Variants in PRR16 observed in about 807,000 individuals in gnomAD.
PRR16 encodes proline rich 16.
A neutral mutation model predicts 18.2 loss-of-function variants in PRR16; 6 were observed. The observed-to-expected ratio is 0.33, with a 90% CI of 0.18 to 0.65. The LOEUF (loss-of-function observed/expected upper bound fraction) is 0.65, where lower values mean the gene tolerates loss of function less well. Among genes scored for constraint, PRR16 ranks in the 30% least tolerant of loss-of-function variants. The pLI is 0.74. For missense variants in PRR16, 412 were observed against 376.6 expected, an observed-to-expected ratio of 1.09 and a Z score of -0.78; for synonymous variants, 151 against 147.8, an observed-to-expected ratio of 1.02 and a Z score of -0.16.
chr5:120,639,844 G>A (rs953048794), intron 1 of PRR16, among the ~76,000 whole-genome samples: 1 of 151,712 alleles, frequency 6.6e-6, no homozygotes. Context: ...ACACTTGCAT[G>A]TTTAACACAG....
At chr5:120,618,740 T>C (rs770618454) in intron 1 of PRR16, among the ~76,000 whole-genome samples, 2 of 152,022 alleles carry the variant, frequency 1.3e-5, no homozygotes, top group African/African-American at 2.4e-5. Context: ...TTCTTATTTT[T>C]TTTGTTTCCT....
At chr5:120,694,787 G>T in the PRR16 span, among the ~76,000 whole-genome samples, 2 of 151,952 alleles carry the variant, frequency 1.3e-5, no homozygotes, top group Non-Finnish European at 2.9e-5. Flanking sequence ...ACTTGTAATA[G>T]CACATGAATA....
Position 120,499,150 on chromosome 5 carries a change from C to G in PRR16, c.159+34505C>G, listed in dbSNP as rs1278927440. On this transcript the variant is annotated intron_variant, in intron 1 of 1. Transcript: ENST00000407149. Reference sequence around the variant, plus strand: ...TAAAGACGGAGTTCCGCTCTTGTTGCCCAGGCTGGAGTGCAATGGCGTGAT... The same window carrying G: ...TAAAGACGGAGTTCCGCTCTTGTTGGCCAGGCTGGAGTGCAATGGCGTGAT... Among the ~76,000 whole-genome samples, 3 of 150,984 alleles carry G rather than the reference C, an allele frequency of 2.0e-5. No individual in the cohort carries two copies. In the East Asian group the frequency reaches 5.8e-4, roughly 29 times the overall value.
At chr5:120,759,134 G>A in the PRR16 span, among the ~76,000 whole-genome samples, 1 of 151,804 alleles carries the variant, frequency 6.6e-6, no homozygotes, top group Non-Finnish European at 1.5e-5. Context: ...CCGCCACCAT[G>A]CCTGGCTAAT....
intron 1 of PRR16, among the ~76,000 whole-genome samples, chr5:120,602,162 T>C (rs545478927): frequency 6.6e-6 from 1 of 152,126 alleles, no homozygotes; most frequent in African/African-American, 2.4e-5. Context: ...GAGTAATATG[T>C]TTCTTTTAAC....
intron 1 of PRR16, among the ~76,000 whole-genome samples, chr5:120,538,207 G>A (rs1751791531): frequency 6.6e-6 from 1 of 152,108 alleles, no homozygotes; most frequent in African/African-American, 2.4e-5. Context: ...GAAAATACAA[G>A]CAAGTTATTA....
chr5:120,630,050 A>C (rs543155587), intron 1 of PRR16, among the ~76,000 whole-genome samples: 109 of 152,128 alleles, frequency 7.2e-4, no homozygotes, highest in African/African-American at 2.6e-3. Context: ...ATTTTCTTCT[A>C]TCTGAGGATT....
chr5:120,466,816 T>C (rs931465744), intron 1 of PRR16, among the ~76,000 whole-genome samples: 2 of 152,198 alleles, frequency 1.3e-5, no homozygotes, highest in Non-Finnish European at 2.9e-5. Context: ...AAGATTTGTT[T>C]GTCTTAAGGA....
intron 1 of PRR16, among the ~76,000 whole-genome samples, chr5:120,468,471 G>GA (rs958360573): frequency 1.3e-5 from 2 of 151,672 alleles, no homozygotes; most frequent in South Asian, 2.1e-4. Context: ...TCTACACATT[G>GA]AAAAAAAAGA....
At chr5:120,674,825 G>A (rs944391310) in intron 1 of PRR16, among the ~76,000 whole-genome samples, 1 of 151,386 alleles carries the variant, frequency 6.6e-6, no homozygotes, top group Non-Finnish European at 1.5e-5. Context: ...TTTTTAAAAT[G>A]TATTTTTGCT....
At position 120,491,257 on chromosome 5, in the gene PRR16, G is replaced by A. The variant is rs570556177; in HGVS notation, c.159+26612G>A. On this transcript the variant is annotated intron_variant, in intron 1 of 1. Transcript: ENST00000407149. ...CTGAATATAGCATGAGAAGTCACTG[G>A]AAAAGAATGGAAAATAACTCGGCCT... 1.6e-4 allele frequency among the ~76,000 whole-genome samples: 25 copies of A among 152,212 alleles called. 1 individual carries two copies. Among genetic ancestry groups the A allele is most frequent in the Admixed American group, 1.1e-3 (17 of 15,280 alleles).
the PRR16 span, among the ~76,000 whole-genome samples, chr5:120,738,938 T>C: frequency 2.6e-5 from 4 of 152,202 alleles, no homozygotes; most frequent in Non-Finnish European, 4.4e-5. Context: ...CCTGGAATTT[T>C]TGTATGACAT....
chr5:120,541,970 T>A (rs1038907214), intron 1 of PRR16, among the ~76,000 whole-genome samples: 4 of 152,088 alleles, frequency 2.6e-5, no homozygotes. Context: ...TAGCCACAGA[T>A]TAAAAATAAG....
intron 1 of PRR16, among the ~76,000 whole-genome samples, chr5:120,494,229 G>T (rs1195847009): frequency 6.6e-6 from 1 of 152,110 alleles, no homozygotes; most frequent in African/African-American, 2.4e-5. Flanking sequence ...GTTATTCTGA[G>T]TGTAGTGCTA....
intron 1 of PRR16, among the ~76,000 whole-genome samples, chr5:120,625,486 A>G (rs550060490): frequency 2.6e-5 from 4 of 152,128 alleles, no homozygotes; most frequent in Admixed American, 2.6e-4. Context: ...TATCGATGTG[A>G]TCCACCATGC....
chr5:120,785,345 C>T, the PRR16 span, among the ~76,000 whole-genome samples: 2 of 152,060 alleles, frequency 1.3e-5, no homozygotes, highest in East Asian at 3.9e-4. Flanking sequence ...AGCCCATAAG[C>T]AAAGAACATG....
chr5:120,643,484 A>G (rs1158966452), intron 1 of PRR16, among the ~76,000 whole-genome samples: 1 of 152,106 alleles, frequency 6.6e-6, no homozygotes, highest in East Asian at 1.9e-4. Context: ...AAAAATATTC[A>G]CTCATTGTTT....
intron 1 of PRR16, among the ~76,000 whole-genome samples, chr5:120,593,132 A>C (rs1481314400): frequency 1.3e-5 from 2 of 152,092 alleles, no homozygotes; most frequent in Middle Eastern, 3.2e-3. Context: ...AAGAAACCCC[A>C]AAGCTAGCAG....
the PRR16 span, among the ~76,000 whole-genome samples, chr5:120,743,679 T>G: frequency 5.3e-5 from 8 of 152,186 alleles, no homozygotes; most frequent in Non-Finnish European, 1.0e-4. Context: ...TTACTTTTAC[T>G]TTTTGCTGTA....
Sources: gnomAD v4.1 joint callset for allele counts (sites outside exome capture counted in the v4.1 genomes callset) on GRCh38, gnomAD v4.1.1 for gene constraint, MANE v1.5 for transcripts, NCBI Gene and HGNC (gene_info 2026-07-23, HGNC 2026-07-21) for gene names.